SLC25A13: variants seen among roughly 807,000 people sequenced by gnomAD.
SLC25A13 encodes electrogenic aspartate/glutamate antiporter SLC25A13, mitochondrial.
A neutral mutation model predicts 85.5 loss-of-function variants in SLC25A13; 70 were observed. The observed-to-expected ratio is 0.82, with a 90% CI of 0.68 to 1.00. The LOEUF (loss-of-function observed/expected upper bound fraction) is 1.00. SLC25A13 is among the 50% of genes least tolerant of loss of function. SLC25A13 has a pLI of 0.00. For missense variants in SLC25A13, 765 were observed against 819.8 expected, an observed-to-expected ratio of 0.93 and a Z score of 0.82; for synonymous variants, 259 against 288.7, an observed-to-expected ratio of 0.90 and a Z score of 1.04.
chr7:96,194,084 ACT>A (rs1238544204), intron 5 of SLC25A13, among the ~76,000 whole-genome samples: 1 of 151,762 alleles, frequency 6.6e-6, no homozygotes, highest in African/African-American at 2.4e-5. Context: ...TCCTCACAAC[ACT>A]CTGCTCATTT....
Position 96,297,088 on chromosome 7 carries a change from C to A in SLC25A13, c.16-137G>T. ...ACTTAAATACCATGTTGCCCCAGTG[C>A]ATAAACTATGCCCCCTTCCCATTTT... On this transcript the variant is annotated intron_variant, in intron 1 of 17. Coordinates refer to ENST00000265631, the MANE Select transcript of SLC25A13 (RefSeq NM_014251.3). 5 of 763,046 alleles carry A rather than the reference C, an allele frequency of 6.6e-6. No homozygotes were observed. In the South Asian group the frequency reaches 7.7e-5, roughly 12 times the overall value. The allele number at this position is 763,046 out of a possible 1,614,324, so 47.3% of individuals were successfully genotyped here. A position where few individuals can be genotyped will look rare whatever the true frequency, so the allele number is the denominator to read the frequency against.
intron 3 of SLC25A13, among the ~76,000 whole-genome samples, chr7:96,268,262 AAGG>A (rs1348903245): frequency 2.0e-5 from 3 of 152,242 alleles, no homozygotes; most frequent in Admixed American, 1.3e-4. Flanking sequence ...GCAAAGATCA[AAGG>A]AAGAATTTTC....
At chr7:96,244,694 G>A (rs762162084) in intron 3 of SLC25A13, among the ~76,000 whole-genome samples, 2 of 152,194 alleles carry the variant, frequency 1.3e-5, no homozygotes, top group African/African-American at 2.4e-5. Context: ...TCCCTGGAGT[G>A]CATGTGTTCT....
At chr7:96,288,024 A>G (rs1290932032) in intron 2 of SLC25A13, among the ~76,000 whole-genome samples, 1 of 152,162 alleles carries the variant, frequency 6.6e-6, no homozygotes, top group Non-Finnish European at 1.5e-5. Context: ...CCTCATTCCA[A>G]CCATGGTGGT....
At chr7:96,217,673 A>C (rs983803742) in intron 4 of SLC25A13, among the ~76,000 whole-genome samples, 1 of 152,178 alleles carries the variant, frequency 6.6e-6, no homozygotes, top group Non-Finnish European at 1.5e-5. Flanking sequence ...AATGTCTAGA[A>C]TAGACAAATC....
intron 4 of SLC25A13, among the ~76,000 whole-genome samples, chr7:96,232,478 A>G (rs1182306006): frequency 6.6e-6 from 1 of 152,094 alleles, no homozygotes; most frequent in Non-Finnish European, 1.5e-5. Context: ...AATCAGGAAA[A>G]ATAACTAATG....
chr7:96,139,318 C>G (rs1020907837), intron 14 of SLC25A13, among the ~76,000 whole-genome samples: 1 of 152,112 alleles, frequency 6.6e-6, no homozygotes, highest in African/African-American at 2.4e-5. Flanking sequence ...CAGCATCATG[C>G]AATATACCTG....
intron 4 of SLC25A13, among the ~76,000 whole-genome samples, chr7:96,228,216 T>C (rs915506497): frequency 2.6e-5 from 4 of 152,208 alleles, no homozygotes; most frequent in Non-Finnish European, 4.4e-5. Flanking sequence ...AAAATGCTGA[T>C]AATTTGTACT....
In SLC25A13 at chr7:96,191,197, T is replaced by A; in HGVS notation, c.666A>T (p.Gly222=). The change falls in exon 7 of 18, where the codon GGA becomes GGT. Residue 222 remains glycine (G), a synonymous_variant. Coordinates refer to ENST00000265631, the MANE Select transcript of SLC25A13 (RefSeq NM_014251.3). ...SHQVSFSYFN[G]FNSLLNNMEL... ...CCATGTTGTTAAGGAGCGAATTAAATCCATTAAAATAGGAGAAACTAACTT... is the reference window on the plus strand; with the variant it reads ...CCATGTTGTTAAGGAGCGAATTAAAACCATTAAAATAGGAGAAACTAACTT... The A allele has an allele frequency of 6.2e-7, 1 of 1,614,082 alleles. No homozygotes were observed. Among genetic ancestry groups the A allele is most frequent in the Middle Eastern group, 1.6e-4 (1 of 6,062 alleles).
At chr7:96,282,259 A>C (rs2116954550) in intron 2 of SLC25A13, among the ~76,000 whole-genome samples, 2 of 152,304 alleles carry the variant, frequency 1.3e-5, no homozygotes, top group Middle Eastern at 6.8e-3. Flanking sequence ...GAAGGAACCT[A>C]TCACTACAAA....
chr7:96,142,343 G>A (rs1167071955), intron 14 of SLC25A13, among the ~76,000 whole-genome samples: 7 of 152,162 alleles, frequency 4.6e-5, no homozygotes, highest in African/African-American at 1.7e-4. Context: ...CAACTTACAA[G>A]TGAAAATGTG....
intron 13 of SLC25A13, among the ~76,000 whole-genome samples, chr7:96,168,406 C>T (rs1202409235): frequency 6.6e-6 from 1 of 152,026 alleles, no homozygotes; most frequent in Non-Finnish European, 1.5e-5. Flanking sequence ...AATTTTAAGC[C>T]TGTGTTTAGA....
rs2116650187 is a variant in SLC25A13 at position 96,189,664 on chromosome 7, A to G, written c.765T>C (p.Val255=). The part of the protein sequence containing the change: ...KDVEVTKEEF[V]LAAQKFGQVT... ...CCTGACCAAATTTCTGAGCTGCCAGAACAAACTCCTCTGTATGGAAGAAAA... is the reference window on the plus strand; with the variant it reads ...CCTGACCAAATTTCTGAGCTGCCAGGACAAACTCCTCTGTATGGAAGAAAA... The change falls in exon 8 of 18, where the codon GTT becomes GTC. Residue 255 remains valine, a synonymous_variant. Coordinates refer to ENST00000265631, the MANE Select transcript of SLC25A13 (RefSeq NM_014251.3). 6.2e-7 allele frequency: 1 copy of G among 1,613,986 alleles called. No individual in the cohort carries two copies. Among genetic ancestry groups the G allele is most frequent in the Non-Finnish European group, 8.5e-7 (1 of 1,179,912 alleles).
intron 5 of SLC25A13, among the ~76,000 whole-genome samples, chr7:96,208,505 CTTTT>C (rs34151128): frequency 1.4e-5 from 2 of 139,734 alleles, no homozygotes. Context: ...ACCCTTTTAA[CTTTT>C]TTTTTTTTTT....
intron 11 of SLC25A13, among the ~76,000 whole-genome samples, chr7:96,173,799 A>G (rs1460242320): frequency 6.6e-6 from 1 of 152,160 alleles, no homozygotes; most frequent in Non-Finnish European, 1.5e-5. Flanking sequence ...AATGTAAAAC[A>G]CCTAAAAGAC....
At chr7:96,288,109 C>T (rs920707337) in intron 2 of SLC25A13, among the ~76,000 whole-genome samples, 1 of 152,152 alleles carries the variant, frequency 6.6e-6, no homozygotes, top group Non-Finnish European at 1.5e-5. Context: ...TTTCATCCTC[C>T]AGAATCCTTT....
At chr7:96,219,529 C>T in intron 4 of SLC25A13, 1 of 354,738 alleles carries the variant, frequency 2.8e-6, no homozygotes, top group Admixed American at 3.6e-5. Context: ...ACCTTTTCCC[C>T]TCTGGGCCTG....
intron 3 of SLC25A13, among the ~76,000 whole-genome samples, chr7:96,251,719 T>G (rs1797435979): frequency 6.6e-6 from 1 of 152,242 alleles, no homozygotes; most frequent in Admixed American, 6.5e-5. Flanking sequence ...CTTTTCTATT[T>G]TTTTGCTTTA....
At chr7:96,167,276 T>A (rs1793793187) in intron 13 of SLC25A13, among the ~76,000 whole-genome samples, 1 of 152,210 alleles carries the variant, frequency 6.6e-6, no homozygotes, top group South Asian at 2.1e-4. Context: ...TTTTTTCATC[T>A]CTTCAGTTAC....
Sources: gnomAD v4.1 joint callset for allele counts (sites outside exome capture counted in the v4.1 genomes callset) on GRCh38, gnomAD v4.1.1 for gene constraint, MANE v1.5 for transcripts, NCBI Gene and HGNC (gene_info 2026-07-23, HGNC 2026-07-21) for gene names.